EYS: variants seen among roughly 807,000 people sequenced by gnomAD.
The protein encoded by EYS is protein eyes shut homolog.
EYS carries 250 observed loss-of-function variants against 282.1 expected under a neutral mutation model. That is an observed-to-expected ratio of 0.89 (90% CI 0.80 to 0.98). The LOEUF (loss-of-function observed/expected upper bound fraction) is 0.98, where lower values mean the gene tolerates loss of function less well. Ranked by LOEUF, EYS falls within the 50% of genes least tolerant of loss-of-function variation. The probability of loss-of-function intolerance (pLI) is 0.00; values close to 1 mark genes in which losing one functional copy is unlikely to be tolerated. For synonymous variants in EYS, 1,355 were observed against 1,282.9 expected (o/e 1.06, Z -1.20); for missense variants, 4,016 against 3,709.0 (o/e 1.08, Z -2.15).
intron 22 of EYS, among the ~76,000 whole-genome samples, chr6:64,687,871 G>C (rs1463188128): frequency 6.6e-6 from 1 of 152,008 alleles, no homozygotes; most frequent in Non-Finnish European, 1.5e-5. Context: ...TTGGTTGGTA[G>C]GCTCTTAATT....
intron 29 of EYS, among the ~76,000 whole-genome samples, chr6:64,342,575 T>C (rs1363058162): frequency 6.6e-6 from 1 of 151,750 alleles, no homozygotes; most frequent in Non-Finnish European, 1.5e-5. Context: ...GCACTAAACA[T>C]GGAAAGGAAC....
intron 28 of EYS, among the ~76,000 whole-genome samples, chr6:64,407,537 T>G (rs944584402): frequency 2.6e-5 from 4 of 152,198 alleles, no homozygotes; most frequent in Non-Finnish European, 5.9e-5. Flanking sequence ...CTTGGTATAC[T>G]TGATGCTAAT....
intron 34 of EYS, among the ~76,000 whole-genome samples, chr6:63,990,583 G>T (rs1767560591): frequency 6.6e-6 from 1 of 151,704 alleles, no homozygotes; most frequent in Admixed American, 6.6e-5. Context: ...GAGAACAAAG[G>T]TGATGGTTTG....
intron 10 of EYS, among the ~76,000 whole-genome samples, chr6:65,342,805 AT>A: frequency 6.6e-6 from 1 of 150,962 alleles, no homozygotes; most frequent in African/African-American, 2.4e-5. Flanking sequence ...GTCTAAAGAA[AT>A]TGTCTAATTT....
chr6:64,724,077 T>TG (rs897296991), intron 22 of EYS, among the ~76,000 whole-genome samples: 46 of 151,994 alleles, frequency 3.0e-4, no homozygotes, highest in African/African-American at 4.6e-4. Flanking sequence ...TGTTTTTTTT[T>TG]TTGTTGTTTT....
chr6:65,012,211 G>A (rs1166667961), intron 13 of EYS, among the ~76,000 whole-genome samples: 1 of 152,124 alleles, frequency 6.6e-6, no homozygotes, highest in Non-Finnish European at 1.5e-5. Flanking sequence ...TGTGTGAAAT[G>A]TACACAAGTA....
chr6:65,628,727 G>T (rs1176823728), intron 2 of EYS, among the ~76,000 whole-genome samples: 1 of 151,946 alleles, frequency 6.6e-6, no homozygotes, highest in African/African-American at 2.4e-5. Context: ...CCCACCAGAA[G>T]GAAGAAACTC....
At chr6:63,984,691 G>T in intron 34 of EYS, 88 bp from the exon 35 acceptor site, 1 of 1,005,878 alleles carries the variant, frequency 9.9e-7, no homozygotes, top group Non-Finnish European at 1.5e-6. Context: ...GTAATTGGAT[G>T]TGTTTTAATG....
intron 2 of EYS, among the ~76,000 whole-genome samples, chr6:65,512,844 T>C (rs1036809290): frequency 2.6e-5 from 4 of 151,392 alleles, no homozygotes; most frequent in African/African-American, 9.7e-5. Context: ...GCAGGAAAGA[T>C]CCAAAATTGA....
At chr6:64,748,547 GTTCAA>G (rs1772634947) in intron 22 of EYS, among the ~76,000 whole-genome samples, 1 of 152,166 alleles carries the variant, frequency 6.6e-6, no homozygotes, top group African/African-American at 2.4e-5. Context: ...CCTAAAGAAA[GTTCAA>G]TTTGCTTTTT....
At chr6:65,468,503 TTAG>T (rs1262762082) in intron 5 of EYS, among the ~76,000 whole-genome samples, 2 of 151,994 alleles carry the variant, frequency 1.3e-5, no homozygotes, top group African/African-American at 4.8e-5. Context: ...ATTTATTTAG[TTAG>T]TTAGTTAGTT....
chr6:64,939,690 A>C (rs1369166876), intron 15 of EYS, among the ~76,000 whole-genome samples: 1 of 151,938 alleles, frequency 6.6e-6, no homozygotes, highest in Non-Finnish European at 1.5e-5. Flanking sequence ...ACACACATAC[A>C]CACGTGTATT....
intron 33 of EYS, among the ~76,000 whole-genome samples, chr6:64,031,473 G>A (rs148103481): frequency 2.2e-4 from 33 of 152,316 alleles, no homozygotes; most frequent in South Asian, 6.2e-4. Flanking sequence ...TTCATGGCAC[G>A]CAGTCCCATC....
intron 5 of EYS, among the ~76,000 whole-genome samples, chr6:65,455,215 CCTT>C (rs1265903716): frequency 1.3e-5 from 2 of 152,008 alleles, no homozygotes; most frequent in Non-Finnish European, 2.9e-5. Flanking sequence ...AGATCTTTCT[CCTT>C]CTTGGTTAAG....
intron 40 of EYS, among the ~76,000 whole-genome samples, chr6:63,774,518 C>T (rs547221732): frequency 2.0e-5 from 3 of 152,276 alleles, no homozygotes; most frequent in South Asian, 2.1e-4. Context: ...TCCTCAGTCA[C>T]AGGTTACTAT....
At chr6:64,408,738 A>G (rs1160364366) in intron 28 of EYS, among the ~76,000 whole-genome samples, 2 of 152,214 alleles carry the variant, frequency 1.3e-5, no homozygotes, top group Non-Finnish European at 2.9e-5. Context: ...AAATTATACC[A>G]TAGTCAATAT....
At chr6:65,389,131 C>A (rs1047294985) in intron 7 of EYS, among the ~76,000 whole-genome samples, 1 of 152,054 alleles carries the variant, frequency 6.6e-6, no homozygotes, top group Non-Finnish European at 1.5e-5. Context: ...TTCAAAACAA[C>A]AGTCACACAA....
intron 33 of EYS, among the ~76,000 whole-genome samples, chr6:64,025,137 C>T (rs781420235): frequency 5.3e-5 from 8 of 152,124 alleles, no homozygotes; most frequent in Non-Finnish European, 7.3e-5. Context: ...GGGCACCTGT[C>T]AGCCAGTTAA....
chr6:63,949,748 A>G (rs1765512439), intron 35 of EYS, among the ~76,000 whole-genome samples: 1 of 152,202 alleles, frequency 6.6e-6, no homozygotes, highest in South Asian at 2.1e-4. Flanking sequence ...TGGAACTATT[A>G]CTCCTAAAAT....
Sources: gnomAD v4.1 joint callset for allele counts (sites outside exome capture counted in the v4.1 genomes callset) on GRCh38, gnomAD v4.1.1 for gene constraint, MANE v1.5 for transcripts, NCBI Gene and HGNC (gene_info 2026-07-23, HGNC 2026-07-21) for gene names.